Variants in FSHR observed in about 807,000 individuals in gnomAD.
The protein encoded by FSHR is follicle-stimulating hormone receptor.
FSHR carries 46 observed loss-of-function variants against 52.1 expected under a neutral mutation model. That is an observed-to-expected ratio of 0.88 (90% CI 0.70 to 1.13). The LOEUF (loss-of-function observed/expected upper bound fraction) is 1.13. Ranked by LOEUF, FSHR falls within the 50% of genes most tolerant of loss-of-function variation. The probability of loss-of-function intolerance (pLI) is 0.00; values close to 1 mark genes in which losing one functional copy is unlikely to be tolerated. For synonymous variants in FSHR, 399 were observed against 309.6 expected (o/e 1.29, Z -3.03); for missense variants, 964 against 834.6 (o/e 1.16, Z -1.91).
intron 1 of FSHR, among the ~76,000 whole-genome samples, chr2:49,090,999 T>C (rs1055042964): frequency 3.9e-5 from 6 of 152,080 alleles, no homozygotes; most frequent in Admixed American, 3.9e-4. Flanking sequence ...ATTCTCTATA[T>C]ATACTAGATA....
At chr2:49,032,555 G>A (rs554195937) in intron 2 of FSHR, among the ~76,000 whole-genome samples, 1 of 152,352 alleles carries the variant, frequency 6.6e-6, no homozygotes, top group East Asian at 1.9e-4. Context: ...ATAGTGACAA[G>A]AGAGACTGAC....
chr2:49,078,641 T>C (rs112524770), intron 1 of FSHR, among the ~76,000 whole-genome samples: 2,324 of 152,226 alleles, frequency 0.015, 62 homozygotes, highest in African/African-American at 0.053. Flanking sequence ...AAAAGCCACA[T>C]GATTTTCTTA....
chr2:49,024,278 A>T (rs985935922), intron 2 of FSHR, among the ~76,000 whole-genome samples: 5 of 144,012 alleles, frequency 3.5e-5, no homozygotes, highest in Non-Finnish European at 7.5e-5. Context: ...AAGTAAAATT[A>T]AAAAAAAAAA....
chr2:49,143,090 T>G (rs1672748621), intron 1 of FSHR, among the ~76,000 whole-genome samples: 2 of 152,292 alleles, frequency 1.3e-5, no homozygotes, highest in South Asian at 2.1e-4. Context: ...TTTAAAGCTG[T>G]CTGGATGAGC....
rs180982176 is a variant in FSHR at position 49,050,186 on chromosome 2, A to G, written c.224+18033T>C. Among the ~76,000 whole-genome samples, 28 of 152,298 alleles carry G rather than the reference A, an allele frequency of 1.8e-4. No homozygotes were observed. The East Asian group carries it at 5.2e-3, about 28-fold the overall frequency. On this transcript the variant is annotated intron_variant, in intron 2 of 9. Coordinates refer to ENST00000406846, the MANE Select transcript of FSHR (RefSeq NM_000145.4). The stretch of plus-strand genomic sequence containing the variant: ...TCACGTTTGACCTGGGTCAATAATA[A>G]CTGCTTAATTGGCCCAAATCTTATA...
In FSHR at chr2:49,021,861, C is replaced by CTA. The variant is rs1338377124; in HGVS notation, c.225-1702_225-1701insTA. ...TCTCTCTCTCTCTCTCTCTCTCTCT[C>CTA]TCTATATATATATATATATATATAT... On this transcript the variant is annotated intron_variant, in intron 2 of 9. Transcript: ENST00000406846. 3.6e-3 allele frequency among the ~76,000 whole-genome samples: 157 copies of CTA among 43,248 alleles called. 1 individual carries two copies. The highest frequency in any genetic ancestry group is 7.5e-3 in the East Asian group (6 of 804). 28.4% of individuals were successfully genotyped at this position (43,248 alleles called of 152,430 possible).
At chr2:48,982,746 G>C (rs761801175) in intron 8 of FSHR, among the ~76,000 whole-genome samples, 166 bp downstream of exon 8, 1 of 152,166 alleles carries the variant, frequency 6.6e-6, no homozygotes, top group Non-Finnish European at 1.5e-5. Context: ...GAGTTAGACC[G>C]TGGATAAGCC....
intron 4 of FSHR, among the ~76,000 whole-genome samples, chr2:49,008,488 C>T (rs1043278044): frequency 4.6e-5 from 7 of 152,098 alleles, no homozygotes; most frequent in South Asian, 2.1e-4. Flanking sequence ...AATAAACATA[C>T]GTGTGCATGT....
intron 2 of FSHR, among the ~76,000 whole-genome samples, chr2:49,043,165 T>A (rs760838500): frequency 6.6e-6 from 1 of 152,082 alleles, no homozygotes; most frequent in African/African-American, 2.4e-5. Context: ...AAGGAAGGAC[T>A]GAGAAATTTT....
chr2:49,090,980 G>A (rs569584512), intron 1 of FSHR, among the ~76,000 whole-genome samples: 45 of 151,472 alleles, frequency 3.0e-4, no homozygotes, highest in Middle Eastern at 6.8e-3. Context: ...TCTTTCTGGA[G>A]TTTTGAGAAT....
At chr2:49,070,411 C>T (rs1346383912) in intron 1 of FSHR, among the ~76,000 whole-genome samples, 1 of 152,108 alleles carries the variant, frequency 6.6e-6, no homozygotes, top group Non-Finnish European at 1.5e-5. Flanking sequence ...CTTAATTGTA[C>T]TCACTTAACC....
chr2:49,131,565 C>T (rs944244517), intron 1 of FSHR, among the ~76,000 whole-genome samples: 4 of 152,188 alleles, frequency 2.6e-5, no homozygotes, highest in African/African-American at 9.6e-5. Context: ...CTCTGTACCA[C>T]ATTTTGTTTC....
intron 1 of FSHR, among the ~76,000 whole-genome samples, chr2:49,127,157 G>A (rs948256249): frequency 1.3e-5 from 2 of 151,948 alleles, no homozygotes; most frequent in Admixed American, 6.6e-5. Context: ...GCGAAACCCC[G>A]TCTCTACTAA....
intron 2 of FSHR, among the ~76,000 whole-genome samples, chr2:49,029,348 A>G (rs902544658): frequency 1.3e-5 from 2 of 152,196 alleles, no homozygotes; most frequent in African/African-American, 4.8e-5. Flanking sequence ...TTGGCATGCT[A>G]GAAAGAACAA....
chr2:49,135,228 A>AT (rs140123771), intron 1 of FSHR, among the ~76,000 whole-genome samples: 22,142 of 152,042 alleles, frequency 0.15, 1,653 homozygotes, highest in East Asian at 0.23. Flanking sequence ...TTAAAAAAAA[A>AT]CTTCAATATT....
At chr2:48,982,183 G>A (rs1170023088) in intron 8 of FSHR, among the ~76,000 whole-genome samples, 1 of 152,168 alleles carries the variant, frequency 6.6e-6, no homozygotes. Context: ...GTCACTGATG[G>A]CGAGGTTGTC....
chr2:49,135,511 A>C (rs2103822420), intron 1 of FSHR, among the ~76,000 whole-genome samples: 1 of 152,288 alleles, frequency 6.6e-6, no homozygotes, highest in African/African-American at 2.4e-5. Context: ...ATTTGAAAAA[A>C]ATATTTCAAA....
rs34394877 is a variant in FSHR, at chr2:48,986,393, C to CTTTTTTTT, written c.524+2576_524+2583dup. On this transcript the variant is annotated intron_variant, in intron 6 of 9. Coordinates refer to ENST00000406846, the MANE Select transcript of FSHR (RefSeq NM_000145.4). ...ACAGTCATCAGCGCCATTTGCCATGCTTTTTTTTTTTTTTTTTTCTGAGTG... is the reference window on the plus strand; with the variant it reads ...ACAGTCATCAGCGCCATTTGCCATGCTTTTTTTTTTTTTTTTTTTTTTTTTTCTGAGTG... Among the ~76,000 whole-genome samples the CTTTTTTTT allele has an allele frequency of 8.9e-5, 11 of 124,072 alleles. 2 individuals are homozygous for CTTTTTTTT. The highest frequency in any genetic ancestry group is 2.7e-4 in the South Asian group (1 of 3,664). 81.4% of individuals were successfully genotyped at this position (124,072 alleles called of 152,430 possible). A position where few individuals can be genotyped will look rare whatever the true frequency, so the allele number is the denominator to read the frequency against.
At chr2:49,073,413 A>G (rs1669826057) in intron 1 of FSHR, among the ~76,000 whole-genome samples, 1 of 152,070 alleles carries the variant, frequency 6.6e-6, no homozygotes, top group South Asian at 2.1e-4. Flanking sequence ...CATAAACAAC[A>G]TGCTGGCTGA....
Sources: allele counts gnomAD v4.1 joint callset (sites outside exome capture counted in the v4.1 genomes callset), GRCh38; gene constraint gnomAD v4.1.1; transcripts MANE v1.5; gene names NCBI Gene and HGNC (gene_info 2026-07-23, HGNC 2026-07-21).